The following ZNF638 variants were observed in gnomAD, a reference collection of about 807,000 sequenced individuals.
ZNF638 encodes CTCL tumor antigen se33-1.
Under a neutral mutation model 195.6 loss-of-function variants are expected in ZNF638, and 46 were observed. The observed-to-expected ratio is 0.24, with a 90% CI of 0.19 to 0.30. ZNF638 has a LOEUF of 0.30. ZNF638 is among the 10% of genes least tolerant of loss of function. The pLI is 1.00. For synonymous variants in ZNF638, 845 were observed against 772.0 expected, an observed-to-expected ratio of 1.09 and a Z score of -1.57; for missense variants, 2,440 against 2,325.3, an observed-to-expected ratio of 1.05 and a Z score of -1.01.
chr2:71,348,832 C>T lies in ZNF638; in HGVS notation c.-123C>T. The T allele has an allele frequency of 1.9e-6, 3 of 1,603,942 alleles. No individual in the cohort carries two copies. Among genetic ancestry groups the T allele is most frequent in the Non-Finnish European group, 2.5e-6 (3 of 1,177,674 alleles). ...CATTGCAAACCCACTTCTGTTGGGC[C>T]CATCTCCTTTGCACTTTGCTCAGAT... On this transcript the variant is annotated 5_prime_UTR_variant, in exon 2 of 28. Coordinates refer to ENST00000264447, the MANE Select transcript of ZNF638 (RefSeq NM_014497.5).
Position 71,406,272 on chromosome 2 carries a change from T to C in ZNF638, c.3135+10T>C. The stretch of plus-strand genomic sequence containing the variant: ...AAGTAATAGAAACAAGGTAACAAGT[T>C]CCCTCATAATTTAGCTATTCATTCT... On this transcript the variant is annotated intron_variant, in intron 19 of 27. Transcript: ENST00000264447. 4.4e-6 allele frequency: 7 copies of C among 1,608,124 alleles called. No homozygotes were observed. Among genetic ancestry groups the C allele is most frequent in the Non-Finnish European group, 6.0e-6 (7 of 1,174,792 alleles).
intron 17 of ZNF638, among the ~76,000 whole-genome samples, chr2:71,405,057 A>G (rs1399768513): frequency 6.6e-6 from 1 of 152,206 alleles, no homozygotes; most frequent in Non-Finnish European, 1.5e-5. Flanking sequence ...TCAACAAGAA[A>G]AAAAAAGTTT....
At chr2:71,362,638 A>C (rs967590001) in intron 3 of ZNF638, among the ~76,000 whole-genome samples, 2 of 152,220 alleles carry the variant, frequency 1.3e-5, no homozygotes, top group Non-Finnish European at 2.9e-5. Flanking sequence ...TTGCCACTGC[A>C]TGAAATCTAA....
At chr2:71,335,945 C>T (rs1448551685) in intron 1 of ZNF638, among the ~76,000 whole-genome samples, 1 of 152,204 alleles carries the variant, frequency 6.6e-6, no homozygotes, top group East Asian at 1.9e-4. Flanking sequence ...TGATAACTCT[C>T]AAGTCTATAA....
intron 27 of ZNF638, 132 bp downstream of exon 27, chr2:71,433,415 G>C: frequency 1.5e-6 from 1 of 650,536 alleles, no homozygotes; most frequent in Non-Finnish European, 2.6e-6. Context: ...CTTAAGTCCT[G>C]TTTTCTCCTT....
At chr2:71,340,913 TTAAAG>T (rs1236052782) in intron 1 of ZNF638, among the ~76,000 whole-genome samples, 17 of 152,176 alleles carry the variant, frequency 1.1e-4, no homozygotes, top group African/African-American at 3.4e-4. Context: ...TTTGTAAACT[TTAAAG>T]TAGTGTAAGT....
At chr2:71,410,075 C>T (rs2080181650) in intron 20 of ZNF638, among the ~76,000 whole-genome samples, 1 of 152,122 alleles carries the variant, frequency 6.6e-6, no homozygotes, top group Non-Finnish European at 1.5e-5. Context: ...TTTTTAGCAT[C>T]CAGAATCCAG....
In ZNF638 at chr2:71,349,893, A is replaced by G. The variant is rs1015515984; in HGVS notation, c.939A>G (p.Gln313=). Residue 313 remains glutamine (Q), a synonymous_variant, in exon 2 of 28, where the codon CAA becomes CAG. Transcript: ENST00000264447. ...TTGAACCCATAAAATCCGTCAACCA[A>G]TCCATTAACCAAACAGTTAGCCAGA... ...SVLEPIKSVN[Q]SINQTVSQTM... is the part of the protein sequence containing the mutation. The G allele has an allele frequency of 1.9e-6, 3 of 1,614,198 alleles. No individual in the cohort carries two copies. Among genetic ancestry groups the G allele is most frequent in the East Asian group, 2.2e-5 (1 of 44,892 alleles).
intron 17 of ZNF638, among the ~76,000 whole-genome samples, chr2:71,405,239 G>C (rs2080083634): frequency 6.6e-6 from 1 of 152,098 alleles, no homozygotes; most frequent in Admixed American, 6.6e-5. Flanking sequence ...CTGCATTTCT[G>C]TTCTTTCTCA....
At chr2:71,386,581 G>A (rs534084756) in intron 10 of ZNF638, among the ~76,000 whole-genome samples, 26 of 152,232 alleles carry the variant, frequency 1.7e-4, no homozygotes, top group African/African-American at 6.0e-4. Context: ...ACCGTTATTT[G>A]CAAATATGAT....
rs141861784 is a variant in ZNF638, at chr2:71,398,734, C to A, written c.2462C>A (p.Thr821Lys). Reference protein sequence around the residue: ...KSASSVKSVVTVAVKGNKASI... With the variant: ...KSASSVKSVVKVAVKGNKASI... ...GCAAGTTCTGTAAAATCTGTGGTAACGGTAGCTGTTAAAGGTAATAAAGCT... is the reference window on the plus strand; with the variant it reads ...GCAAGTTCTGTAAAATCTGTGGTAAAGGTAGCTGTTAAAGGTAATAAAGCT... Residue 821 changes from threonine (T) to lysine (K), a missense_variant, in exon 12 of 28, where the codon ACG (threonine) becomes AAG (lysine). Thr to Lys is a moderately conservative substitution (Grantham distance 78). Around this residue, in one of 5 missense-constraint regions of ZNF638, gnomAD observed 1,883 missense variants for 1,739.1 expected, o/e 1.08. Coordinates refer to ENST00000264447, the MANE Select transcript of ZNF638 (RefSeq NM_014497.5). The A allele has an allele frequency of 2.3e-3, 3,676 of 1,613,126 alleles. 7 individuals are homozygous for A. Among genetic ancestry groups the A allele is most frequent in the Non-Finnish European group, 2.8e-3 (3,328 of 1,179,400 alleles).
chr2:71,426,462 G>A lies in ZNF638; in HGVS notation c.4593G>A (p.Glu1531=), dbSNP rs779806262. 2.8e-5 allele frequency: 43 copies of A among 1,558,696 alleles called. 1 individual carries two copies. The South Asian group carries it at 5.2e-4, about 19-fold the overall frequency. ...TATGATTTTTAACTTTCCAACAGGA[G>A]CCATTATTTCCATTTAATTTGGATG... ...TTGRSSKSKE[E]PLFPFNLDEF... The change falls in exon 24 of 28, where the codon GAG becomes GAA. Residue 1531 remains glutamate (E), a splice_region_variant and synonymous_variant. Transcript: ENST00000264447.
chr2:71,334,119 C>T (rs925577037), intron 1 of ZNF638, among the ~76,000 whole-genome samples: 2 of 152,020 alleles, frequency 1.3e-5, no homozygotes, highest in African/African-American at 2.4e-5. Flanking sequence ...ATGATTGTTA[C>T]GTTAGTCTTT....
intron 8 of ZNF638, among the ~76,000 whole-genome samples, chr2:71,370,430 G>A (rs1429248593): frequency 6.6e-6 from 1 of 152,106 alleles, no homozygotes. Context: ...ATCGTATAGT[G>A]TACATTCTTT....
rs773417508 is a variant in ZNF638, at chr2:71,400,464, T to C, written c.2657-14T>C. On this transcript the variant is annotated splice_polypyrimidine_tract_variant and intron_variant, in intron 14 of 27. Transcript: ENST00000264447. ...AGTATGTCTGCATTGTTTTTAATTT[T>C]ATTTTGTATTAAGATGCTGCTTTGG... The C allele has an allele frequency of 6.9e-6, 11 of 1,598,214 alleles. No homozygotes were observed. The highest frequency in any genetic ancestry group is 9.4e-6 in the Non-Finnish European group (11 of 1,175,146).
At position 71,426,940 on chromosome 2, in the gene ZNF638, G is replaced by T; in HGVS notation, c.5071G>T (p.Glu1691Ter). The T allele has an allele frequency of 6.2e-7, 1 of 1,613,886 alleles. No homozygotes were observed. Among genetic ancestry groups the T allele is most frequent in the South Asian group, 1.1e-5 (1 of 91,032 alleles). The change falls in exon 24 of 28, where the codon GAG becomes TAG. Residue 1691 changes from glutamate (E) to a stop codon, truncating the protein, a stop_gained. Transcript: ENST00000264447. LOFTEE classifies it high-confidence loss of function. ...TGTGGATGAAATTGGAGAAGTGGAA[G>T]AGCTACCTTTGAATGAGTCAGCAGA... The part of the protein sequence containing the change: ...VTVDEIGEVE[E>*]LPLNESADIT...
chr2:71,332,254 G>A (rs980688285), intron 1 of ZNF638, among the ~76,000 whole-genome samples: 1 of 152,378 alleles, frequency 6.6e-6, no homozygotes, highest in African/African-American at 2.4e-5. Context: ...CCGAGGCTGC[G>A]CTGGGCCTGA....
chr2:71,408,291 A>G (rs774574945), intron 20 of ZNF638, 44 bp downstream of exon 20: 5 of 1,595,034 alleles, frequency 3.1e-6, no homozygotes, highest in South Asian at 1.1e-5. Flanking sequence ...TAGAAAATAC[A>G]GAGAACATAA....
At position 71,402,086 on chromosome 2, in the gene ZNF638, A is replaced by C. The variant is rs1272590105; in HGVS notation, c.2828A>C (p.Lys943Thr). Residue 943 changes from lysine to threonine, a missense_variant and splice_region_variant, in exon 16 of 28, where the codon AAG (lysine) becomes ACG (threonine). Around this residue, in one of 5 missense-constraint regions of ZNF638, gnomAD observed 1,883 missense variants for 1,739.1 expected, o/e 1.08. Coordinates refer to ENST00000264447, the MANE Select transcript of ZNF638 (RefSeq NM_014497.5). The stretch of plus-strand genomic sequence containing the variant: ...ATCTTGATTTTATCATCTCATAAAA[A>C]GGTAAGAGTTGATTAATAGCTGTTC... ...KDILILSSHK[K>T]AYIEINRKAA... 8 of 1,603,358 alleles carry C rather than the reference A, an allele frequency of 5.0e-6. No individual in the cohort carries two copies. Among genetic ancestry groups the C allele is most frequent in the Non-Finnish European group, 5.1e-6 (6 of 1,175,366 alleles).
Sources: gnomAD v4.1 joint callset for allele counts (sites outside exome capture counted in the v4.1 genomes callset) on GRCh38, gnomAD v4.1.1 for gene constraint, gnomAD v4.1.1 regional missense constraint, MANE v1.5 for transcripts, NCBI Gene and HGNC (gene_info 2026-07-23, HGNC 2026-07-21) for gene names.